GALNT13: variants seen among roughly 807,000 people sequenced by gnomAD.
GALNT13 encodes polypeptide N-acetylgalactosaminyltransferase 13.
Under a neutral mutation model 64.2 loss-of-function variants are expected in GALNT13, and 28 were observed. The observed-to-expected ratio is 0.44, with a 90% CI of 0.32 to 0.60. GALNT13 has a LOEUF of 0.60. Ranked by LOEUF, GALNT13 falls within the 20% of genes least tolerant of loss-of-function variation. GALNT13 has a pLI of 0.05. For missense variants in GALNT13, 577 were observed against 669.8 expected (o/e 0.86, Z 1.53); for synonymous variants, 214 against 224.6 (o/e 0.95, Z 0.42).
chr2:153,464,913 G>C, the GALNT13 span, among the ~76,000 whole-genome samples: 4 of 152,106 alleles, frequency 2.6e-5, no homozygotes, highest in Non-Finnish European at 5.9e-5. Context: ...TATACAAGAA[G>C]TAGATAGTTA....
chr2:153,894,703 A>T (rs961389219), intron 1 of GALNT13, among the ~76,000 whole-genome samples: 3 of 152,166 alleles, frequency 2.0e-5, no homozygotes, highest in Admixed American at 6.6e-5. Flanking sequence ...TACACTTCTA[A>T]GAGCAGAAAA....
chr2:153,204,419 G>A, the GALNT13 span, among the ~76,000 whole-genome samples: 1 of 152,154 alleles, frequency 6.6e-6, no homozygotes, highest in East Asian at 1.9e-4. Flanking sequence ...CTTGTATATG[G>A]CGCATTTGGG....
At chr2:153,933,601 A>G (rs1175461152) in intron 2 of GALNT13, among the ~76,000 whole-genome samples, 6 of 152,072 alleles carry the variant, frequency 3.9e-5, no homozygotes, top group Non-Finnish European at 8.8e-5. Flanking sequence ...GTTAATACTG[A>G]TATGTGTAGA....
chr2:153,583,925 G>A, the GALNT13 span, among the ~76,000 whole-genome samples: 20 of 152,272 alleles, frequency 1.3e-4, no homozygotes, highest in Admixed American at 5.9e-4. Context: ...GGAACTGAGC[G>A]GAAGGAGAGT....
the GALNT13 span, among the ~76,000 whole-genome samples, chr2:153,745,945 T>A: frequency 1.3e-5 from 2 of 152,188 alleles, no homozygotes; most frequent in Non-Finnish European, 2.9e-5. Flanking sequence ...GTGATTAACA[T>A]CAGAAAACCT....
At chr2:153,504,225 A>C in the GALNT13 span, among the ~76,000 whole-genome samples, 1 of 152,210 alleles carries the variant, frequency 6.6e-6, no homozygotes, top group Non-Finnish European at 1.5e-5. Context: ...ATTTCTGTGC[A>C]TTAATTTTGT....
intron 8 of GALNT13, among the ~76,000 whole-genome samples, chr2:154,294,713 G>A (rs1019317357): frequency 6.6e-6 from 1 of 152,148 alleles, no homozygotes; most frequent in African/African-American, 2.4e-5. Context: ...GATCCAAGAA[G>A]AATGGACAGT....
chr2:153,779,172 C>G, the GALNT13 span, among the ~76,000 whole-genome samples: 1 of 151,762 alleles, frequency 6.6e-6, no homozygotes, highest in Admixed American at 6.6e-5. Context: ...GACAATATAT[C>G]TTTCCTTTTT....
the GALNT13 span, among the ~76,000 whole-genome samples, chr2:153,711,874 G>T: frequency 3.9e-5 from 6 of 152,224 alleles, no homozygotes; most frequent in South Asian, 1.2e-3. Context: ...CATTTTATTT[G>T]CCAAGTCAAA....
At chr2:154,445,254 A>AT (rs1044153894) in intron 12 of GALNT13, among the ~76,000 whole-genome samples, 5 of 151,780 alleles carry the variant, frequency 3.3e-5, no homozygotes, top group Admixed American at 6.6e-5. Flanking sequence ...TGTTACAGTC[A>AT]TTTTTTTAAT....
chr2:153,614,955 C>A, the GALNT13 span, among the ~76,000 whole-genome samples: 1 of 151,984 alleles, frequency 6.6e-6, no homozygotes, highest in African/African-American at 2.4e-5. Flanking sequence ...GTTGTGTTAT[C>A]AAATAGTAGG....
chr2:153,448,634 C>G, the GALNT13 span, among the ~76,000 whole-genome samples: 1 of 151,518 alleles, frequency 6.6e-6, no homozygotes, highest in African/African-American at 2.4e-5. Flanking sequence ...TTTTTTTTCT[C>G]CAGGTTCCAT....
At chr2:153,818,885 A>G in the GALNT13 span, among the ~76,000 whole-genome samples, 2 of 152,092 alleles carry the variant, frequency 1.3e-5, no homozygotes, top group Admixed American at 6.5e-5. Context: ...CTACCTAAGT[A>G]TCCTACTTAA....
chr2:154,357,819 GGA>G (rs1696835785), intron 9 of GALNT13, among the ~76,000 whole-genome samples: 1 of 152,034 alleles, frequency 6.6e-6, no homozygotes, highest in Non-Finnish European at 1.5e-5. Flanking sequence ...GCTTCATGGA[GGA>G]TAATGATGGT....
chr2:153,111,339 A>C, the GALNT13 span, among the ~76,000 whole-genome samples: 658 of 152,126 alleles, frequency 4.3e-3, 1 homozygote, highest in Admixed American at 0.01. Flanking sequence ...TTAAAAAAAA[A>C]CACCTGCCAT....
intron 3 of GALNT13, among the ~76,000 whole-genome samples, chr2:154,117,235 C>G (rs572170794): frequency 1.3e-5 from 2 of 152,266 alleles, no homozygotes; most frequent in African/African-American, 4.8e-5. Flanking sequence ...CACAGACACA[C>G]TCAGCATCAA....
intron 3 of GALNT13, among the ~76,000 whole-genome samples, chr2:154,024,595 A>C (rs1697800318): frequency 6.6e-6 from 1 of 151,624 alleles, no homozygotes; most frequent in African/African-American, 2.4e-5. Context: ...CCATTTGTCT[A>C]ATTTTTTTTT....
chr2:153,216,407 AT>A, the GALNT13 span, among the ~76,000 whole-genome samples: 1 of 152,014 alleles, frequency 6.6e-6, no homozygotes, highest in African/African-American at 2.4e-5. Context: ...TGGCTATACT[AT>A]TTTATATTCC....
chr2:153,144,802 T>G, the GALNT13 span, among the ~76,000 whole-genome samples: 35 of 151,992 alleles, frequency 2.3e-4, no homozygotes, highest in South Asian at 1.2e-3. Flanking sequence ...GGACTCAAAG[T>G]TACCAGTTTC....
Sources: gnomAD v4.1 joint callset for allele counts (sites outside exome capture counted in the v4.1 genomes callset) on GRCh38, gnomAD v4.1.1 for gene constraint, MANE v1.5 for transcripts, NCBI Gene and HGNC (gene_info 2026-07-23, HGNC 2026-07-21) for gene names.